The following PAM variants were observed in gnomAD, a reference collection of about 807,000 sequenced individuals.
The protein encoded by PAM is peptidyl-glycine alpha-amidating monooxygenase.
Under a neutral mutation model 122.1 loss-of-function variants are expected in PAM, and 72 were observed. The ratio of observed to expected loss-of-function variants is 0.59; its 90% CI spans 0.49 to 0.72. The LOEUF (loss-of-function observed/expected upper bound fraction) is 0.72. Ranked by LOEUF, PAM falls within the 30% of genes least tolerant of loss-of-function variation. The probability of loss-of-function intolerance (pLI) is 0.00; values close to 1 mark genes in which losing one functional copy is unlikely to be tolerated. For synonymous variants in PAM, 389 were observed against 404.4 expected (o/e 0.96, Z 0.46); for missense variants, 1,106 against 1,183.7 (o/e 0.93, Z 0.96).
intron 7 of PAM, among the ~76,000 whole-genome samples, chr5:102,940,234 C>T (rs1447070120): frequency 6.6e-6 from 1 of 151,468 alleles, no homozygotes; most frequent in Non-Finnish European, 1.5e-5. Context: ...AAATAGTTTT[C>T]AGCTTTATAT....
chr5:102,837,943 GAT>G (rs1777532839), intron 1 of PAM, among the ~76,000 whole-genome samples: 1 of 152,130 alleles, frequency 6.6e-6, no homozygotes, highest in African/African-American at 2.4e-5. Flanking sequence ...AACCAGTATA[GAT>G]ATTTATAATT....
chr5:102,903,710 G>A (rs553368797), intron 4 of PAM, among the ~76,000 whole-genome samples: 3 of 151,618 alleles, frequency 2.0e-5, no homozygotes, highest in Non-Finnish European at 4.4e-5. Flanking sequence ...AGAGGTTAAG[G>A]AATCTGCCCA....
intron 5 of PAM, among the ~76,000 whole-genome samples, chr5:102,915,625 C>A (rs541456107): frequency 6.6e-6 from 1 of 152,168 alleles, no homozygotes; most frequent in East Asian, 1.9e-4. Context: ...GGTTTTTATG[C>A]TTTAAAACAA....
chr5:102,920,566 G>C (rs1747071868), intron 5 of PAM, among the ~76,000 whole-genome samples: 1 of 152,144 alleles, frequency 6.6e-6, no homozygotes, highest in Non-Finnish European at 1.5e-5. Context: ...GTCTGAATTT[G>C]GGAAAATATT....
At chr5:102,905,823 A>G (rs141446591) in intron 4 of PAM, among the ~76,000 whole-genome samples, 1 of 151,796 alleles carries the variant, frequency 6.6e-6, no homozygotes, top group South Asian at 2.1e-4. Flanking sequence ...ACTTCTTTCA[A>G]ACATAAATAA....
chr5:102,781,797 A>C (rs979811087), intron 1 of PAM, among the ~76,000 whole-genome samples: 27 of 152,226 alleles, frequency 1.8e-4, no homozygotes, highest in African/African-American at 6.3e-4. Context: ...ATACTAATGT[A>C]ATAACAACAA....
At chr5:102,933,275 T>C (rs1752191232) in intron 7 of PAM, among the ~76,000 whole-genome samples, 1 of 152,172 alleles carries the variant, frequency 6.6e-6, no homozygotes, top group Non-Finnish European at 1.5e-5. Context: ...TCTAGATGAG[T>C]TTCATATTAT....
In PAM at chr5:103,005,153, G is replaced by C. The variant is rs1778577867; in HGVS notation, c.1731-1G>C. 1 of 1,527,502 alleles carries C rather than the reference G, an allele frequency of 6.5e-7. No homozygotes were observed. The highest frequency in any genetic ancestry group is 1.1e-5 in the South Asian group (1 of 89,230). 94.6% of individuals were successfully genotyped at this position (1,527,502 alleles called of 1,614,324 possible). ...TTAACACAAATATTTTTATTTTGCAGGTTTTACTTGCCACATGGCTTGAGT... is the reference window on the plus strand; with the variant it reads ...TTAACACAAATATTTTTATTTTGCACGTTTTACTTGCCACATGGCTTGAGT... On this transcript the variant is annotated splice_acceptor_variant, in intron 17 of 25. Coordinates refer to ENST00000438793, the MANE Select transcript of PAM (RefSeq NM_001177306.2). LOFTEE classifies it high-confidence loss of function.
rs77017920 is a variant in PAM at position 102,861,783 on chromosome 5, G to A, written c.-373-4040G>A. ...AGGTCAGTAACTCTAAAATGATTAC[G>A]GAAAAAAGTTATTTGTACTATACTT... On this transcript the variant is annotated intron_variant, in intron 1 of 25. Transcript: ENST00000438793. Among the ~76,000 whole-genome samples the A allele has an allele frequency of 5.2e-3, 788 of 152,130 alleles. 9 individuals are homozygous for A. The highest frequency in any genetic ancestry group is 0.017 in the African/African-American group (709 of 41,514).
rs1782311222 is a variant in PAM, at chr5:103,017,321, C to T, written c.2332-13C>T. On this transcript the variant is annotated splice_polypyrimidine_tract_variant and intron_variant, in intron 21 of 25. Transcript: ENST00000438793. ...GGCTCACCACTCTAATGTGTAGCTT[C>T]TTATTTTGGCAGCACTTTGATATGC... is the stretch of plus-strand genomic sequence containing the variant. 6.4e-7 allele frequency: 1 copy of T among 1,553,158 alleles called. No individual in the cohort carries two copies. The highest frequency in any genetic ancestry group is 8.9e-7 in the Non-Finnish European group (1 of 1,125,082).
At chr5:102,837,724 A>G (rs1296484368) in intron 1 of PAM, 1 of 152,206 alleles carries the variant, frequency 6.6e-6, no homozygotes, top group Non-Finnish European at 1.5e-5. Flanking sequence ...ATTAATCAGG[A>G]GAAACATGGG....
chr5:102,792,817 C>T (rs1362429291), intron 1 of PAM, among the ~76,000 whole-genome samples: 1 of 152,192 alleles, frequency 6.6e-6, no homozygotes, highest in African/African-American at 2.4e-5. Flanking sequence ...ATGGTGGTCT[C>T]TTACTGGCTG....
chr5:102,913,142 C>G (rs1217137448), intron 4 of PAM, among the ~76,000 whole-genome samples: 1 of 151,920 alleles, frequency 6.6e-6, no homozygotes, highest in African/African-American at 2.4e-5. Context: ...TCGTAAACAG[C>G]TACTTCATAC....
chr5:102,820,835 A>C (rs1157096239), intron 1 of PAM, among the ~76,000 whole-genome samples: 4 of 152,250 alleles, frequency 2.6e-5, no homozygotes, highest in African/African-American at 9.6e-5. Flanking sequence ...ATGTTAGAAC[A>C]AAGAATAAAG....
At chr5:102,889,359 T>C (rs186880232) in intron 3 of PAM, among the ~76,000 whole-genome samples, 30 of 152,074 alleles carry the variant, frequency 2.0e-4, no homozygotes, top group Middle Eastern at 6.8e-3. Flanking sequence ...AATGATGCCA[T>C]AGCTCCTATC....
chr5:102,859,699 C>A (rs1215523342), intron 1 of PAM, among the ~76,000 whole-genome samples: 1 of 152,160 alleles, frequency 6.6e-6, no homozygotes, highest in Admixed American at 6.5e-5. Context: ...GCCTCTCACT[C>A]ACCACTCACT....
chr5:102,853,851 G>A (rs190967420), intron 1 of PAM, among the ~76,000 whole-genome samples: 2 of 152,348 alleles, frequency 1.3e-5, no homozygotes, highest in Non-Finnish European at 2.9e-5. Context: ...AGCATTGTGC[G>A]ATGTGAAACA....
At chr5:102,872,934 G>T (rs904447781) in intron 3 of PAM, among the ~76,000 whole-genome samples, 3 of 152,076 alleles carry the variant, frequency 2.0e-5, no homozygotes, top group Non-Finnish European at 4.4e-5. Flanking sequence ...GAGGGTGGAC[G>T]GAGGGAAAGG....
intron 24 of PAM, among the ~76,000 whole-genome samples, chr5:103,027,347 C>G (rs1297362622): frequency 6.6e-6 from 1 of 152,110 alleles, no homozygotes; most frequent in Admixed American, 6.6e-5. Context: ...TCTCCCTTTC[C>G]TCTCATCTGC....
Sources: allele counts gnomAD v4.1 joint callset (sites outside exome capture counted in the v4.1 genomes callset), GRCh38; gene constraint gnomAD v4.1.1; transcripts MANE v1.5; gene names NCBI Gene and HGNC (gene_info 2026-07-23, HGNC 2026-07-21).